CATSPERB: variants seen among roughly 807,000 people sequenced by gnomAD.
The protein encoded by CATSPERB is catsper channel auxiliary subunit beta.
Under a neutral mutation model 128.3 loss-of-function variants are expected in CATSPERB, and 93 were observed. That is an observed-to-expected ratio of 0.72 (90% CI 0.61 to 0.86). The LOEUF is 0.86. Among genes scored for constraint, CATSPERB ranks in the 40% least tolerant of loss-of-function variants. CATSPERB has a pLI of 0.00. For synonymous variants in CATSPERB, 381 were observed against 448.8 expected (o/e 0.85, Z 1.91); for missense variants, 1,153 against 1,329.5 (o/e 0.87, Z 2.06).
chr14:91,715,607 G>T (rs571711995), intron 5 of CATSPERB, among the ~76,000 whole-genome samples: 66 of 140,188 alleles, frequency 4.7e-4, no homozygotes, highest in Non-Finnish European at 8.4e-4. Flanking sequence ...CTGATCTATA[G>T]ATTCAATGCA....
chr14:91,655,339 T>A (rs367688220), intron 15 of CATSPERB, among the ~76,000 whole-genome samples: 1 of 152,074 alleles, frequency 6.6e-6, no homozygotes, highest in Non-Finnish European at 1.5e-5. Context: ...AGGAACAAAA[T>A]AAGGCACCAG....
chr14:91,633,293 C>T (rs1487255221), intron 17 of CATSPERB, among the ~76,000 whole-genome samples: 2 of 152,158 alleles, frequency 1.3e-5, no homozygotes, highest in East Asian at 1.9e-4. Flanking sequence ...GCCTCCCATA[C>T]AAAATATTTA....
At chr14:91,647,245 G>T (rs1266262025) in intron 15 of CATSPERB, among the ~76,000 whole-genome samples, 1 of 152,180 alleles carries the variant, frequency 6.6e-6, no homozygotes, top group Non-Finnish European at 1.5e-5. Flanking sequence ...ATGTGTGAGT[G>T]TGTATGGATT....
intron 15 of CATSPERB, among the ~76,000 whole-genome samples, chr14:91,656,300 T>C (rs1343857775): frequency 2.0e-5 from 3 of 152,132 alleles, no homozygotes; most frequent in Non-Finnish European, 2.9e-5. Context: ...TATAACATGT[T>C]AATTATGGTA....
At position 91,668,741 on chromosome 14, in the gene CATSPERB, C is replaced by A. The variant is rs147860033; in HGVS notation, c.1287+1073G>T. 6.1e-3 allele frequency among the ~76,000 whole-genome samples: 928 copies of A among 152,194 alleles called. 9 individuals are homozygous for A. Among genetic ancestry groups the A allele is most frequent in the African/African-American group, 0.021 (890 of 41,518 alleles). ...GGAGGAACAAACAACTCTGGACGTGCCACCTTTAAGAGCTGTAACACTCAC... is the reference window on the plus strand; with the variant it reads ...GGAGGAACAAACAACTCTGGACGTGACACCTTTAAGAGCTGTAACACTCAC... On this transcript the variant is annotated intron_variant, in intron 14 of 26. Coordinates refer to ENST00000256343, the MANE Select transcript of CATSPERB (RefSeq NM_024764.4).
At chr14:91,651,585 CTGGG>C (rs1377094182) in intron 15 of CATSPERB, among the ~76,000 whole-genome samples, 3 of 152,152 alleles carry the variant, frequency 2.0e-5, no homozygotes, top group Non-Finnish European at 2.9e-5. Context: ...TGGTGGGATT[CTGGG>C]ACTGAGTTGC....
chr14:91,663,174 T>C (rs1894914390), intron 14 of CATSPERB, among the ~76,000 whole-genome samples: 1 of 152,124 alleles, frequency 6.6e-6, no homozygotes, highest in African/African-American at 2.4e-5. Context: ...GTTAAGAGAC[T>C]CTGTGATCTG....
rs566813558 is a variant in CATSPERB, at chr14:91,707,689, C to A, written c.466+452G>T. On this transcript the variant is annotated intron_variant, in intron 6 of 26. Coordinates refer to ENST00000256343, the MANE Select transcript of CATSPERB (RefSeq NM_024764.4). ...TCCTGGCTCACTGTAACCTCTGCCT[C>A]CTGGGTTTAAGCGATTCTCCTGCCT... Among the ~76,000 whole-genome samples, 13 of 147,756 alleles carry A rather than the reference C, an allele frequency of 8.8e-5. No individual in the cohort carries two copies. In the East Asian group the frequency reaches 2.4e-3, roughly 27 times the overall value.
chr14:91,704,214 G>A (rs1397018136), intron 7 of CATSPERB, among the ~76,000 whole-genome samples: 1 of 152,144 alleles, frequency 6.6e-6, no homozygotes, highest in Non-Finnish European at 1.5e-5. Flanking sequence ...ACTAAGTAAT[G>A]TGGTATTTCA....
chr14:91,641,444 A>G (rs1376113919), intron 15 of CATSPERB, among the ~76,000 whole-genome samples: 2 of 152,048 alleles, frequency 1.3e-5, no homozygotes, highest in Non-Finnish European at 2.9e-5. Context: ...CAGTTTCCCC[A>G]GTACCATTTA....
At chr14:91,702,356 A>T (rs10135081) in intron 7 of CATSPERB, among the ~76,000 whole-genome samples, 150,234 of 150,234 alleles carry the variant, frequency 1, 75,117 homozygotes, top group Non-Finnish European at 1. Flanking sequence ...GGTGCAAAAA[A>T]AATCGCGGTT....
rs2139787780 is a variant in CATSPERB, at chr14:91,621,755, G to A, written c.2113C>T (p.Gln705Ter). 6.2e-7 allele frequency: 1 copy of A among 1,614,024 alleles called. No individual in the cohort carries two copies. The highest frequency in any genetic ancestry group is 8.5e-7 in the Non-Finnish European group (1 of 1,179,990). The stretch of plus-strand genomic sequence containing the variant: ...ATTTTCCATGTTCGTCCATTCCTTT[G>A]CCCAAAGTTGTATAAGAACCATGTG... The part of the protein sequence containing the change: ...KSTWFLYNFG[Q>*]RNGRTWKIYS... Residue 705 changes from glutamine to a stop codon, truncating the protein, a stop_gained, in exon 19 of 27, where the codon CAA (glutamine) becomes TAA (stop). Coordinates refer to ENST00000256343, the MANE Select transcript of CATSPERB (RefSeq NM_024764.4). LOFTEE classifies it high-confidence loss of function.
chr14:91,671,835 C>G (rs949352996), intron 13 of CATSPERB, among the ~76,000 whole-genome samples: 1 of 151,720 alleles, frequency 6.6e-6, no homozygotes, highest in Non-Finnish European at 1.5e-5. Flanking sequence ...ATCGAGACCA[C>G]GGTGAAACCC....
intron 11 of CATSPERB, 94 bp downstream of exon 11, chr14:91,683,783 G>T: frequency 1.3e-6 from 1 of 761,042 alleles, no homozygotes; most frequent in Non-Finnish European, 2.1e-6. Flanking sequence ...AGTTTGGAAT[G>T]GTCTTAAAAG....
intron 5 of CATSPERB, among the ~76,000 whole-genome samples, chr14:91,715,712 A>G (rs1227651467): frequency 6.6e-6 from 1 of 152,168 alleles, no homozygotes; most frequent in African/African-American, 2.4e-5. Flanking sequence ...AATAACCAAA[A>G]CAATTTTGAA....
intron 22 of CATSPERB, chr14:91,604,787 T>C (rs1893669041): frequency 7.4e-6 from 12 of 1,611,732 alleles, no homozygotes; most frequent in Non-Finnish European, 1.0e-5. Context: ...GTAGGAAGAG[T>C]AGAGGCTGGG....
chr14:91,629,130 G>C (rs1051887797), intron 17 of CATSPERB, among the ~76,000 whole-genome samples: 1 of 152,024 alleles, frequency 6.6e-6, no homozygotes, highest in Non-Finnish European at 1.5e-5. Context: ...TTCTTCAGTA[G>C]GTAAATGAAT....
chr14:91,685,666 G>A (rs1476256341), intron 10 of CATSPERB, among the ~76,000 whole-genome samples: 3 of 152,200 alleles, frequency 2.0e-5, no homozygotes, highest in Non-Finnish European at 4.4e-5. Context: ...TGGTCAGGGA[G>A]GGATTTCTGA....
chr14:91,684,182 T>C (rs541771373), intron 10 of CATSPERB, among the ~76,000 whole-genome samples: 11 of 152,326 alleles, frequency 7.2e-5, no homozygotes, highest in African/African-American at 2.4e-4. Context: ...TTAGCATATG[T>C]TAATGGAGGA....
Sources: allele counts gnomAD v4.1 joint callset (sites outside exome capture counted in the v4.1 genomes callset), GRCh38; gene constraint gnomAD v4.1.1; transcripts MANE v1.5; gene names NCBI Gene and HGNC (gene_info 2026-07-23, HGNC 2026-07-21).